PHF24: variants seen among roughly 807,000 people sequenced by gnomAD.
The protein encoded by PHF24 is Galpha inhibitory interacting protein.
Under a neutral mutation model 42.6 loss-of-function variants are expected in PHF24, and 25 were observed. The ratio of observed to expected loss-of-function variants is 0.59; its 90% CI spans 0.43 to 0.82. PHF24 has a LOEUF of 0.82. Ranked by LOEUF, PHF24 falls within the 40% of genes least tolerant of loss-of-function variation. The pLI is 0.00. For synonymous variants in PHF24, 185 were observed against 204.8 expected, an observed-to-expected ratio of 0.90 and a Z score of 0.83; for missense variants, 470 against 538.1, an observed-to-expected ratio of 0.87 and a Z score of 1.25.
the PHF24 span, among the ~76,000 whole-genome samples, chr9:34,918,705 C>A: frequency 6.6e-6 from 1 of 152,086 alleles, no homozygotes; most frequent in East Asian, 1.9e-4. Context: ...ATATTTGTTA[C>A]TACTTTTTTC....
the PHF24 span, among the ~76,000 whole-genome samples, chr9:34,692,495 C>T: frequency 2.6e-5 from 4 of 152,136 alleles, no homozygotes; most frequent in Admixed American, 2.6e-4. Flanking sequence ...CAGTCTTTAC[C>T]TCCACTCCAC....
At chr9:34,755,441 T>C in the PHF24 span, among the ~76,000 whole-genome samples, 1 of 152,242 alleles carries the variant, frequency 6.6e-6, no homozygotes, top group African/African-American at 2.4e-5. Context: ...TGGGATGAGA[T>C]GATACCTCAT....
chr9:34,942,076 C>T, the PHF24 span, among the ~76,000 whole-genome samples: 24,056 of 152,160 alleles, frequency 0.16, 2,016 homozygotes, highest in South Asian at 0.24. Flanking sequence ...CATTGTGATT[C>T]CTTCTTGGGA....
At chr9:34,715,750 G>T in the PHF24 span, among the ~76,000 whole-genome samples, 3 of 152,192 alleles carry the variant, frequency 2.0e-5, no homozygotes, top group African/African-American at 7.2e-5. Flanking sequence ...GATCCTGGGA[G>T]GGGGAGAGGA....
chr9:34,869,839 CT>C, the PHF24 span, among the ~76,000 whole-genome samples: 20 of 152,052 alleles, frequency 1.3e-4, no homozygotes, highest in African/African-American at 4.1e-4. Context: ...TTTTGAGGTT[CT>C]TTTTGAGTCC....
At chr9:34,768,593 A>C in the PHF24 span, among the ~76,000 whole-genome samples, 3 of 152,206 alleles carry the variant, frequency 2.0e-5, no homozygotes, top group Non-Finnish European at 4.4e-5. Context: ...TTGTAAATTA[A>C]ATTTAGCACT....
intron 4 of PHF24, 107 bp downstream of exon 4, chr9:34,976,337 G>C: frequency 9.4e-7 from 1 of 1,064,264 alleles, no homozygotes; most frequent in Middle Eastern, 2.9e-4. Flanking sequence ...GTGGGTAGAG[G>C]GTAAATGAGT....
chr9:34,862,216 G>A, the PHF24 span, among the ~76,000 whole-genome samples: 1 of 152,028 alleles, frequency 6.6e-6, no homozygotes, highest in Admixed American at 6.6e-5. Flanking sequence ...CTCAAAACGT[G>A]GTCTAGACCA....
At chr9:34,728,058 G>C in the PHF24 span, 1 of 1,551,970 alleles carries the variant, frequency 6.4e-7, no homozygotes, top group Non-Finnish European at 8.7e-7. Context: ...TGGCTTCTCA[G>C]CTTCTTCCCG....
the PHF24 span, among the ~76,000 whole-genome samples, chr9:34,681,753 T>C: frequency 1.3e-5 from 2 of 152,310 alleles, no homozygotes; most frequent in Non-Finnish European, 2.9e-5. Context: ...GGAGATTGCA[T>C]TGAGCCAAGA....
At chr9:34,823,202 CAAAAAAAAAAA>C in the PHF24 span, among the ~76,000 whole-genome samples, 3 of 58,642 alleles carry the variant, frequency 5.1e-5, no homozygotes, top group African/African-American at 7.0e-5. Flanking sequence ...GACTCCGTCT[CAAAAAAAAAAA>C]AAAAAAAAAA....
the PHF24 span, among the ~76,000 whole-genome samples, chr9:34,825,426 G>A: frequency 6.6e-6 from 1 of 152,170 alleles, no homozygotes; most frequent in Non-Finnish European, 1.5e-5. Context: ...AAGGAGAGAT[G>A]AGCCTGGTCT....
At chr9:34,844,341 AGTTT>A in the PHF24 span, among the ~76,000 whole-genome samples, 1 of 151,568 alleles carries the variant, frequency 6.6e-6, no homozygotes, top group Non-Finnish European at 1.5e-5. Flanking sequence ...CTTTGGGCTT[AGTTT>A]GTTCTTCTTT....
At chr9:34,815,359 G>T in the PHF24 span, among the ~76,000 whole-genome samples, 42 of 152,250 alleles carry the variant, frequency 2.8e-4, no homozygotes, top group Non-Finnish European at 4.9e-4. Context: ...GTCTCGCTCT[G>T]TCACCCAGGC....
the PHF24 span, among the ~76,000 whole-genome samples, chr9:34,775,642 G>C: frequency 1.7e-4 from 26 of 152,262 alleles, no homozygotes; most frequent in Admixed American, 2.0e-4. Context: ...ATCTAAAAAC[G>C]TTCTAAAAAT....
chr9:34,811,773 AG>A, the PHF24 span, among the ~76,000 whole-genome samples: 6 of 152,356 alleles, frequency 3.9e-5, no homozygotes, highest in Non-Finnish European at 8.8e-5. Flanking sequence ...CAAAAGCATG[AG>A]TAACAAAAGA....
the PHF24 span, among the ~76,000 whole-genome samples, chr9:34,785,595 T>C: frequency 6.6e-6 from 1 of 152,144 alleles, no homozygotes. Context: ...ACTAAGTTTG[T>C]GGTAATTTGT....
At chr9:34,728,725 A>T in the PHF24 span, 4 of 1,376,618 alleles carry the variant, frequency 2.9e-6, no homozygotes, top group Non-Finnish European at 4.0e-6. Context: ...AATGAGACAA[A>T]ACTTACATAC....
chr9:34,936,871 G>A, the PHF24 span, among the ~76,000 whole-genome samples: 1 of 149,530 alleles, frequency 6.7e-6, no homozygotes, highest in Non-Finnish European at 1.5e-5. Context: ...CCCTCCGCCC[G>A]GCAGCCGCCC....
Sources: allele counts gnomAD v4.1 joint callset (sites outside exome capture counted in the v4.1 genomes callset), GRCh38; gene constraint gnomAD v4.1.1; transcripts MANE v1.5; gene names NCBI Gene and HGNC (gene_info 2026-07-23, HGNC 2026-07-21).